Variants in TDRD7 observed in about 807,000 individuals in gnomAD.
TDRD7 encodes the protein tudor domain-containing protein 7.
TDRD7 carries 47 observed loss-of-function variants against 109.8 expected under a neutral mutation model. The observed-to-expected ratio is 0.43, with a 90% CI of 0.34 to 0.55. The LOEUF (loss-of-function observed/expected upper bound fraction) is 0.55, where lower values mean the gene tolerates loss of function less well. Ranked by LOEUF, TDRD7 falls within the 20% of genes least tolerant of loss-of-function variation. TDRD7 has a pLI of 0.03. For missense variants in TDRD7, 1,164 were observed against 1,319.2 expected (o/e 0.88, Z 1.82); for synonymous variants, 424 against 457.3 (o/e 0.93, Z 0.93).
intron 9 of TDRD7, among the ~76,000 whole-genome samples, chr9:97,470,967 T>C (rs1433661676): frequency 6.6e-6 from 1 of 152,198 alleles, no homozygotes; most frequent in Non-Finnish European, 1.5e-5. Flanking sequence ...CCCTGTTTCA[T>C]GACATTTGAT....
At chr9:97,469,397 C>T (rs2131160461) in intron 8 of TDRD7, among the ~76,000 whole-genome samples, 1 of 152,320 alleles carries the variant, frequency 6.6e-6, no homozygotes, top group Middle Eastern at 3.4e-3. Context: ...AGACAGGCCC[C>T]ACAGGCCCGC....
intron 14 of TDRD7, among the ~76,000 whole-genome samples, chr9:97,481,625 G>A (rs942749280): frequency 6.6e-6 from 1 of 152,074 alleles, no homozygotes; most frequent in African/African-American, 2.4e-5. Flanking sequence ...TGATTTTTCT[G>A]TCTTTGTATT....
chr9:97,481,017 A>G, intron 14 of TDRD7, 79 bp downstream of exon 14: 1 of 1,210,434 alleles, frequency 8.3e-7, no homozygotes, highest in Non-Finnish European at 1.2e-6. Flanking sequence ...TTGTGAAGGA[A>G]TTTTATCTCA....
chr9:97,443,581 C>T (rs1173664485), intron 6 of TDRD7, among the ~76,000 whole-genome samples: 1 of 152,172 alleles, frequency 6.6e-6, no homozygotes, highest in Non-Finnish European at 1.5e-5. Flanking sequence ...TCACTCGATG[C>T]AGGTTTAGTG....
chr9:97,477,935 C>T (rs971406371), intron 12 of TDRD7, among the ~76,000 whole-genome samples: 1 of 151,976 alleles, frequency 6.6e-6, no homozygotes, highest in Non-Finnish European at 1.5e-5. Flanking sequence ...TACTGATTAA[C>T]TAGATGTTGA....
At chr9:97,483,585 T>C (rs1361795720) in intron 15 of TDRD7, among the ~76,000 whole-genome samples, 1 of 152,150 alleles carries the variant, frequency 6.6e-6, no homozygotes, top group African/African-American at 2.4e-5. Context: ...AATGTTTAAA[T>C]ATTTTTTCTA....
intron 14 of TDRD7, among the ~76,000 whole-genome samples, chr9:97,481,258 A>G (rs1829110439): frequency 6.6e-6 from 1 of 152,270 alleles, no homozygotes; most frequent in Non-Finnish European, 1.5e-5. Flanking sequence ...CAGAGGGACC[A>G]CAGATCTCTT....
At chr9:97,495,256 A>G (rs1352661280) in intron 16 of TDRD7, among the ~76,000 whole-genome samples, 4 of 152,198 alleles carry the variant, frequency 2.6e-5, no homozygotes, top group African/African-American at 9.6e-5. Context: ...GAATCATACA[A>G]TAATTCTTTT....
intron 16 of TDRD7, among the ~76,000 whole-genome samples, chr9:97,491,475 A>T (rs908001688): frequency 6.6e-6 from 1 of 152,172 alleles, no homozygotes; most frequent in Non-Finnish European, 1.5e-5. Context: ...TGAAAGGTGG[A>T]CATGATACAT....
At chr9:97,443,484 G>T (rs1200073727) in intron 6 of TDRD7, among the ~76,000 whole-genome samples, 1 of 152,066 alleles carries the variant, frequency 6.6e-6, no homozygotes, top group East Asian at 1.9e-4. Flanking sequence ...AAATTCCCAG[G>T]GTTACTTTTT....
intron 14 of TDRD7, among the ~76,000 whole-genome samples, chr9:97,481,537 T>G (rs573527871): frequency 6.6e-6 from 1 of 152,238 alleles, no homozygotes; most frequent in African/African-American, 2.4e-5. Context: ...ATTGTATGAC[T>G]GTTTTATATA....
intron 8 of TDRD7, among the ~76,000 whole-genome samples, chr9:97,469,339 T>C (rs1349542851): frequency 6.6e-6 from 1 of 152,172 alleles, no homozygotes; most frequent in Non-Finnish European, 1.5e-5. Flanking sequence ...CCTAAGTCAG[T>C]GTTGAGTCAG....
At chr9:97,436,526 G>T (rs1430944526) in intron 4 of TDRD7, among the ~76,000 whole-genome samples, 2 of 151,864 alleles carry the variant, frequency 1.3e-5, no homozygotes, top group African/African-American at 4.8e-5. Flanking sequence ...CCCTCAGTTT[G>T]TTTAATTATT....
At chr9:97,454,864 A>T (rs1828576176) in intron 6 of TDRD7, among the ~76,000 whole-genome samples, 1 of 152,170 alleles carries the variant, frequency 6.6e-6, no homozygotes, top group South Asian at 2.1e-4. Flanking sequence ...AGACAGGAAA[A>T]ACCCTCCAAA....
intron 4 of TDRD7, among the ~76,000 whole-genome samples, chr9:97,438,315 T>C (rs552683531): frequency 6.6e-6 from 1 of 152,346 alleles, no homozygotes; most frequent in African/African-American, 2.4e-5. Context: ...GAAAATGTGC[T>C]TCATTTCAAG....
In TDRD7 at chr9:97,460,547, C is replaced by T. The variant is rs773127507; in HGVS notation, c.1225C>T (p.Pro409Ser). The change falls in exon 7 of 17, where the codon CCC becomes TCC. Residue 409 changes from proline (P) to serine (S), a missense_variant. This residue lies in a region of TDRD7 where 407 missense variants were observed against 394.0 expected (regional missense o/e 1.03). Coordinates refer to ENST00000355295, the MANE Select transcript of TDRD7 (RefSeq NM_014290.3). ...KAILYAKLPL[P>S]TDKIQKDAGQ... is the part of the protein sequence containing the mutation. Reference sequence around the variant, plus strand: ...CATTCTCTATGCTAAACTTCCATTGCCCACTGACAAAATCCAAAAGGATGC... The same window carrying T: ...CATTCTCTATGCTAAACTTCCATTGTCCACTGACAAAATCCAAAAGGATGC... 5 of 1,614,212 alleles carry T rather than the reference C, an allele frequency of 3.1e-6. No individual in the cohort carries two copies. Among genetic ancestry groups the T allele is most frequent in the Admixed American group, 3.3e-5 (2 of 60,028 alleles).
chr9:97,415,403 C>G, intron 1 of TDRD7, among the ~76,000 whole-genome samples: 1 of 152,192 alleles, frequency 6.6e-6, no homozygotes, highest in East Asian at 1.9e-4. Context: ...ATCTGGGATA[C>G]ACCAAAACCA....
rs909600703 is a variant in TDRD7, at chr9:97,483,306, T to C, written c.2870T>C (p.Ile957Thr). 1.2e-6 allele frequency: 2 copies of C among 1,614,132 alleles called. No individual in the cohort carries two copies. The change falls in exon 15 of 17, where the codon ATA becomes ACA. Residue 957 changes from isoleucine to threonine, a missense_variant. Coordinates refer to ENST00000355295, the MANE Select transcript of TDRD7 (RefSeq NM_014290.3). ...TACAGCGTGTCTGAAGAGCGCCACA[T>C]AGCAGTGGAGAAAGACCAAGTGTAT... is the stretch of plus-strand genomic sequence containing the variant. ...LYYSVSEERH[I>T]AVEKDQVYAA...
At chr9:97,494,890 T>C (rs1436113363) in intron 16 of TDRD7, among the ~76,000 whole-genome samples, 1 of 151,854 alleles carries the variant, frequency 6.6e-6, no homozygotes, top group African/African-American at 2.4e-5. Context: ...TTTGTATTTT[T>C]TGTAGAGACA....
Sources: allele counts gnomAD v4.1 joint callset (sites outside exome capture counted in the v4.1 genomes callset), GRCh38; gene constraint gnomAD v4.1.1; regional missense constraint gnomAD v4.1.1; transcripts MANE v1.5; gene names NCBI Gene and HGNC (gene_info 2026-07-23, HGNC 2026-07-21).